The following SHROOM3 variants were observed in gnomAD, a reference collection of about 807,000 sequenced individuals.
The protein encoded by SHROOM3 is protein Shroom3.
SHROOM3 carries 47 observed loss-of-function variants against 138.6 expected under a neutral mutation model. The ratio of observed to expected loss-of-function variants is 0.34; its 90% CI spans 0.27 to 0.43. The LOEUF (loss-of-function observed/expected upper bound fraction) is 0.43, where lower values mean the gene tolerates loss of function less well. Among genes scored for constraint, SHROOM3 ranks in the 20% least tolerant of loss-of-function variants. SHROOM3 has a pLI of 1.00. For missense variants in SHROOM3, 2,491 were observed against 2,596.5 expected (o/e 0.96, Z 0.88); for synonymous variants, 1,062 against 1,063.3 (o/e 1.00, Z 0.02).
chr4:76,754,164 C>T (rs1721724154), intron 6 of SHROOM3, 147 bp from the exon 7 acceptor site: 4 of 1,020,874 alleles, frequency 3.9e-6, no homozygotes, highest in Non-Finnish European at 6.0e-6. Flanking sequence ...CTGTGAGCAG[C>T]CAGGGAAGAC....
At chr4:76,467,784 G>T (rs1367362033) in intron 1 of SHROOM3, among the ~76,000 whole-genome samples, 1 of 152,200 alleles carries the variant, frequency 6.6e-6, no homozygotes, top group African/African-American at 2.4e-5. Context: ...AATAATTTCT[G>T]TTGCCTTTGA....
At chr4:76,674,554 C>CTTTTTTCT (rs1718976202) in intron 2 of SHROOM3, among the ~76,000 whole-genome samples, 1 of 103,260 alleles carries the variant, frequency 9.7e-6, no homozygotes, top group African/African-American at 3.7e-5. Flanking sequence ...TCCTTCCTTC[C>CTTTTTTCT]TTTTTTTTTT....
intron 1 of SHROOM3, among the ~76,000 whole-genome samples, chr4:76,541,625 G>GCACACA (rs149127524): frequency 7.0e-4 from 104 of 148,652 alleles, no homozygotes; most frequent in African/African-American, 1.9e-3. Flanking sequence ...ATATGTGGGC[G>GCACACA]CACACACACA....
intron 3 of SHROOM3, among the ~76,000 whole-genome samples, chr4:76,723,702 C>CA (rs1720616404): frequency 2.0e-5 from 3 of 152,308 alleles, no homozygotes; most frequent in Admixed American, 2.0e-4. Context: ...CTGTGCTGCT[C>CA]ACTACATTTG....
At chr4:76,454,017 A>T (rs1730978918) in intron 1 of SHROOM3, among the ~76,000 whole-genome samples, 1 of 151,892 alleles carries the variant, frequency 6.6e-6, no homozygotes, top group South Asian at 2.1e-4. Context: ...GACATTTAGG[A>T]CTTTGATCTA....
rs57961532 is a variant in SHROOM3, at chr4:76,673,645, C to T, written c.324-36511C>T. ...TTAGGCTATTTTCTTCTTTTTCATA[C>T]TTGTTCTTTACTGTGTTTTTGTTAA... On this transcript the variant is annotated intron_variant, in intron 2 of 10. Coordinates refer to ENST00000296043, the MANE Select transcript of SHROOM3 (RefSeq NM_020859.4). Among the ~76,000 whole-genome samples the T allele has an allele frequency of 9.4e-3, 1,438 of 152,186 alleles. 13 individuals carry two copies. The highest frequency in any genetic ancestry group is 0.033 in the African/African-American group (1,354 of 41,514).
intron 4 of SHROOM3, among the ~76,000 whole-genome samples, chr4:76,735,598 G>A (rs1721015307): frequency 6.6e-6 from 1 of 151,620 alleles, no homozygotes; most frequent in Non-Finnish European, 1.5e-5. Flanking sequence ...CCAGCACTTT[G>A]GGAGGCCAAG....
Position 76,740,795 on chromosome 4 carries a change from C to A in SHROOM3, c.2622C>A (p.Ser874Arg), listed in dbSNP as rs764093871. 3.7e-6 allele frequency: 6 copies of A among 1,609,600 alleles called. No individual in the cohort carries two copies. The highest frequency in any genetic ancestry group is 5.1e-6 in the Non-Finnish European group (6 of 1,178,322). ...AGCTGAGCGGAGGAGCGTCGGACAG[C>A]GGCCGTGGCCCCCAGAGGCCGGACG... ...GQQLSGGASD[S>R]GRGPQRPDAR... is the part of the protein sequence containing the mutation. Residue 874 changes from serine (S) to arginine (R), a missense_variant, in exon 5 of 11, where the codon AGC (serine) becomes AGA (arginine). Ser to Arg is a moderately radical substitution (Grantham distance 110). Around this residue, in one of 4 missense-constraint regions of SHROOM3, gnomAD observed 1,733 missense variants for 1,661.6 expected, o/e 1.04. Coordinates refer to ENST00000296043, the MANE Select transcript of SHROOM3 (RefSeq NM_020859.4). The surrounding 1 kb of genome is among the most constrained non-coding windows in gnomAD (Gnocchi z 4.0).
intron 2 of SHROOM3, chr4:76,573,735 G>C (rs116174657): frequency 0.014 from 2,095 of 152,772 alleles, 29 homozygotes; most frequent in Non-Finnish European, 0.022. Context: ...GGGATTGCTG[G>C]CAACCCCACA....
rs1330814215 is a variant in SHROOM3 at position 76,770,628 on chromosome 4, T to G, written c.5352T>G (p.Ala1784=). The change falls in exon 10 of 11, where the codon GCT becomes GCG. Residue 1784 remains alanine (A), a splice_region_variant and synonymous_variant. Transcript: ENST00000296043. The stretch of plus-strand genomic sequence containing the variant: ...TGCGGTCTTATCTGTCATTTCAGGC[T>G]GAGCTCATTGGAAGTCTCACCCACA... ...EEQADVNEKK[A]ELIGSLTHKL... 1 of 1,613,974 alleles carries G rather than the reference T, an allele frequency of 6.2e-7. No individual in the cohort carries two copies. The highest frequency in any genetic ancestry group is 1.7e-5 in the Admixed American group (1 of 60,020).
At chr4:76,748,993 G>A in intron 5 of SHROOM3, 24 bp from the exon 6 acceptor site, 1 of 1,612,188 alleles carries the variant, frequency 6.2e-7, no homozygotes, top group Non-Finnish European at 8.5e-7. Context: ...TGGCAGTAAT[G>A]CTGTGCCTTT....
intron 2 of SHROOM3, among the ~76,000 whole-genome samples, chr4:76,660,741 G>T (rs1381560273): frequency 6.6e-6 from 1 of 152,120 alleles, no homozygotes; most frequent in Non-Finnish European, 1.5e-5. Flanking sequence ...CTCCCAAAGT[G>T]CTGGGATTAT....
At chr4:76,464,344 T>C (rs1731205817) in intron 1 of SHROOM3, among the ~76,000 whole-genome samples, 1 of 152,196 alleles carries the variant, frequency 6.6e-6, no homozygotes, top group African/African-American at 2.4e-5. Context: ...GGCCAATTTC[T>C]CCAATTTGGA....
chr4:76,740,310 G>A lies in SHROOM3; in HGVS notation c.2137G>A (p.Gly713Arg), dbSNP rs770303497. 22 of 1,613,018 alleles carry A rather than the reference G, an allele frequency of 1.4e-5. No individual in the cohort carries two copies. Among genetic ancestry groups the A allele is most frequent in the South Asian group, 3.3e-5 (3 of 91,092 alleles). ...TGGGAGGAAAGCCGCTCCTGACCTC[G>A]GGAGCCATCTGGACCGGCAGGTTTC... ...DPGRKAAPDL[G>R]SHLDRQVSYP... is the part of the protein sequence containing the mutation. Residue 713 changes from glycine to arginine, a missense_variant, in exon 5 of 11, where the codon GGG becomes AGG. This residue lies in a region of SHROOM3 where 1,733 missense variants were observed against 1,661.6 expected (regional missense o/e 1.04). Transcript: ENST00000296043. The surrounding 1 kb of genome is among the most constrained non-coding windows in gnomAD (Gnocchi z 4.0).
chr4:76,522,955 G>T (rs530288303), intron 1 of SHROOM3, among the ~76,000 whole-genome samples: 1 of 151,864 alleles, frequency 6.6e-6, no homozygotes, highest in Non-Finnish European at 1.5e-5. Flanking sequence ...ACTACATATG[G>T]CTATACTATT....
chr4:76,632,766 T>G (rs1735363500), intron 2 of SHROOM3, among the ~76,000 whole-genome samples: 1 of 152,156 alleles, frequency 6.6e-6, no homozygotes, highest in African/African-American at 2.4e-5. Context: ...TAATACATAT[T>G]CCTAGGAAAT....
rs548448519 is a variant in SHROOM3, at chr4:76,544,145, G to A, written c.169-11464G>A. ...AAATTTGCACTATAGTACGTTCCAG[G>A]TAGCCCTTATTATCTGCAAACAGTT... On this transcript the variant is annotated intron_variant, in intron 1 of 10. Coordinates refer to ENST00000296043, the MANE Select transcript of SHROOM3 (RefSeq NM_020859.4). 3.0e-4 allele frequency among the ~76,000 whole-genome samples: 46 copies of A among 152,196 alleles called. No individual in the cohort carries two copies. In the South Asian group the frequency reaches 8.9e-3, roughly 29 times the overall value.
intron 2 of SHROOM3, among the ~76,000 whole-genome samples, chr4:76,599,402 A>G (rs1476834293): frequency 6.6e-6 from 1 of 152,192 alleles, no homozygotes; most frequent in Non-Finnish European, 1.5e-5. Flanking sequence ...CCTGTAGTGG[A>G]TAATCTGCCC....
At chr4:76,585,441 A>G (rs971321963) in intron 2 of SHROOM3, among the ~76,000 whole-genome samples, 1 of 151,870 alleles carries the variant, frequency 6.6e-6, no homozygotes, top group Admixed American at 6.6e-5. Flanking sequence ...CTTTGTGTCT[A>G]TGGTTACTGT....
Sources: gnomAD v4.1 joint callset for allele counts (sites outside exome capture counted in the v4.1 genomes callset) on GRCh38, gnomAD v4.1.1 for gene constraint, gnomAD v4.1.1 regional missense constraint, Gnocchi (gnomAD v3.1) non-coding constraint, MANE v1.5 for transcripts, NCBI Gene and HGNC (gene_info 2026-07-23, HGNC 2026-07-21) for gene names.